Variants in KCNA6 observed in about 807,000 individuals in gnomAD.
KCNA6 encodes human brain potassium channel-2.
A neutral mutation model predicts 29.5 loss-of-function variants in KCNA6; 17 were observed. That is an observed-to-expected ratio of 0.58 (90% confidence interval 0.39 to 0.86). KCNA6 has a LOEUF of 0.86. Among genes scored for constraint, KCNA6 ranks in the 40% least tolerant of loss-of-function variants. The probability of loss-of-function intolerance (pLI) is 0.00; values close to 1 mark genes in which losing one functional copy is unlikely to be tolerated. For synonymous variants in KCNA6, 296 were observed against 304.7 expected (o/e 0.97, Z 0.30); for missense variants, 450 against 703.4 (o/e 0.64, Z 4.07).
At chr12:4,834,611 A>T in the KCNA6 span, among the ~76,000 whole-genome samples, 9 of 152,144 alleles carry the variant, frequency 5.9e-5, no homozygotes, top group Non-Finnish European at 1.2e-4. Context: ...TTCATGCCTT[A>T]TCACCAGTGG....
chr12:4,846,553 C>T, the KCNA6 span, among the ~76,000 whole-genome samples: 2 of 152,108 alleles, frequency 1.3e-5, no homozygotes, highest in Admixed American at 6.5e-5. Context: ...TACTGAACAT[C>T]TTCTTTTTCC....
chr12:4,826,105 G>A, the KCNA6 span, among the ~76,000 whole-genome samples: 2 of 152,208 alleles, frequency 1.3e-5, no homozygotes, highest in Non-Finnish European at 2.9e-5. Flanking sequence ...CTGTTTTCAA[G>A]TGTGACATTT....
the KCNA6 span, among the ~76,000 whole-genome samples, chr12:4,844,426 A>T: frequency 0.56 from 84,469 of 151,488 alleles, 24,020 homozygotes; most frequent in Middle Eastern, 0.59. The surrounding 1 kb of genome is among the most constrained non-coding windows in gnomAD (Gnocchi z 4.0). Flanking sequence ...GAAGGCGGTG[A>T]CCTTACTGAG....
the KCNA6 span, among the ~76,000 whole-genome samples, chr12:4,835,134 A>ATTTTTTTTTT: frequency 9.5e-5 from 13 of 136,312 alleles, no homozygotes; most frequent in African/African-American, 3.3e-4. Context: ...ACAGAGAATG[A>ATTTTTTTTTT]TTTTTTTTTT....
chr12:4,811,842 T>C lies in KCNA6; in HGVS notation c.*211T>C. On this transcript the variant is annotated 3_prime_UTR_variant, in exon 1 of 1. Coordinates refer to ENST00000280684, the Ensembl canonical transcript of KCNA6. This position sits in a 1 kb window ranked among gnomAD's most constrained non-coding sequence, Gnocchi z 7.1. ...GGTTAATCCATCTAAGTGACATTTT[T>C]GAAATTCCAGCGGTGCCACCCAATC... The C allele has an allele frequency of 1.7e-6, 1 of 587,564 alleles. No homozygotes were observed. The highest frequency in any genetic ancestry group is 2.9e-5 in the East Asian group (1 of 34,124). 36.4% of individuals were successfully genotyped at this position (587,564 alleles called of 1,614,324 possible).
the KCNA6 span, among the ~76,000 whole-genome samples, chr12:4,831,574 G>T: frequency 1.3e-5 from 2 of 152,148 alleles, no homozygotes; most frequent in Non-Finnish European, 2.9e-5. Flanking sequence ...CTCCAGCTCC[G>T]CTTTCTCCTT....
downstream of KCNA6, among the ~76,000 whole-genome samples, chr12:4,816,311 G>A (rs553901251): frequency 2.7e-5 from 4 of 146,750 alleles, no homozygotes; most frequent in East Asian, 2.0e-4. Flanking sequence ...TGTGTGCTTC[G>A]TTTTGACATC....
chr12:4,842,012 C>CGTGTGTGT, the KCNA6 span, among the ~76,000 whole-genome samples: 1,728 of 124,942 alleles, frequency 0.014, 25 homozygotes, highest in Admixed American at 0.029. Context: ...ATGGAGCTTA[C>CGTGTGTGT]GTGTGTGTGT....
chr12:4,817,168 C>T (rs1286445714), downstream of KCNA6, among the ~76,000 whole-genome samples: 1 of 152,208 alleles, frequency 6.6e-6, no homozygotes, highest in East Asian at 1.9e-4. Flanking sequence ...TACCTTGTCA[C>T]AGTCACTTAG....
chr12:4,820,807 G>A, the KCNA6 span, among the ~76,000 whole-genome samples: 2 of 152,138 alleles, frequency 1.3e-5, no homozygotes, highest in East Asian at 3.8e-4. Context: ...CAGACCAAAG[G>A]TATTTAGCAC....
chr12:4,849,848 C>T, the KCNA6 span, among the ~76,000 whole-genome samples: 4 of 152,192 alleles, frequency 2.6e-5, no homozygotes, highest in Non-Finnish European at 5.9e-5. Flanking sequence ...ACCTTGTTGT[C>T]GTTGCTTCCG....
At chr12:4,820,546 A>AACACACACACAC in the KCNA6 span, among the ~76,000 whole-genome samples, 6,352 of 134,628 alleles carry the variant, frequency 0.047, 212 homozygotes, top group African/African-American at 0.066. Context: ...GGATTACCTA[A>AACACACACACAC]ACACACACAC....
the KCNA6 span, among the ~76,000 whole-genome samples, chr12:4,819,845 C>A: frequency 1.3e-5 from 2 of 152,220 alleles, no homozygotes; most frequent in Admixed American, 1.3e-4. Flanking sequence ...GCTTCAGTTT[C>A]GTCATCTGCA....
chr12:4,822,856 C>T, the KCNA6 span, among the ~76,000 whole-genome samples: 4 of 152,322 alleles, frequency 2.6e-5, no homozygotes, highest in African/African-American at 9.6e-5. Context: ...TGGCCGTGCC[C>T]GGATTCGATC....
the KCNA6 span, chr12:4,851,006 C>CTA: frequency 3.2e-6 from 1 of 315,934 alleles, no homozygotes; most frequent in African/African-American, 2.2e-5. Context: ...AAGAGACCAG[C>CTA]TATGGGGTGG....
In KCNA6 at chr12:4,810,634, A is replaced by C. The variant is rs1271493207; in HGVS notation, c.593A>C (p.Gln198Pro). 22 of 1,613,904 alleles carry C rather than the reference A, an allele frequency of 1.4e-5. No homozygotes were observed. The highest frequency in any genetic ancestry group is 1.9e-5 in the Non-Finnish European group (22 of 1,180,006). Residue 198 changes from glutamine to proline, a missense_variant, in exon 1 of 1, where the codon CAG (glutamine) becomes CCG (proline). Gln to Pro is a moderately conservative substitution (Grantham distance 76). Transcript: ENST00000280684. This position sits in a 1 kb window ranked among gnomAD's most constrained non-coding sequence, Gnocchi z 7.5. Reference sequence around the variant, plus strand: ...ATCTTTTGCCTGGAGACCTTACCCCAGTTCCGTGTAGATGGTCGAGGTGGA... The same window carrying C: ...ATCTTTTGCCTGGAGACCTTACCCCCGTTCCGTGTAGATGGTCGAGGTGGA...
At chr12:4,818,118 A>C (rs1344954398), downstream of KCNA6, among the ~76,000 whole-genome samples, 1 of 152,114 alleles carries the variant, frequency 6.6e-6, no homozygotes, top group Non-Finnish European at 1.5e-5. Flanking sequence ...AGGGGCGGGG[A>C]GGACTTGCCA....
chr12:4,829,137 G>A, the KCNA6 span, among the ~76,000 whole-genome samples: 2 of 152,234 alleles, frequency 1.3e-5, no homozygotes, highest in East Asian at 1.9e-4. Context: ...GTTAGTTATA[G>A]ATAACTCATC....
chr12:4,848,057 C>T, the KCNA6 span, among the ~76,000 whole-genome samples: 1 of 152,154 alleles, frequency 6.6e-6, no homozygotes, highest in Non-Finnish European at 1.5e-5. Flanking sequence ...TACAGTTCCT[C>T]CAGAGCCTTA....
Sources: allele counts gnomAD v4.1 joint callset (sites outside exome capture counted in the v4.1 genomes callset), GRCh38; gene constraint gnomAD v4.1.1; non-coding constraint Gnocchi (gnomAD v3.1); transcripts MANE v1.5; gene names NCBI Gene and HGNC (gene_info 2026-07-23, HGNC 2026-07-21).